The following PRUNE2 variants were observed in gnomAD, a reference collection of about 807,000 sequenced individuals.
PRUNE2 encodes the protein protein prune homolog 2.
Under a neutral mutation model 252.0 loss-of-function variants are expected in PRUNE2, and 164 were observed. That is an observed-to-expected ratio of 0.65 (90% CI 0.57 to 0.74). The LOEUF is 0.74. Ranked by LOEUF, PRUNE2 falls within the 30% of genes least tolerant of loss-of-function variation. The pLI, the probability that PRUNE2 is intolerant of heterozygous loss-of-function variation, is 0.00. For missense variants in PRUNE2, 3,495 were observed against 3,711.0 expected, an observed-to-expected ratio of 0.94 and a Z score of 1.51; for synonymous variants, 1,292 against 1,350.2, an observed-to-expected ratio of 0.96 and a Z score of 0.94.
At chr9:76,833,310 A>C (rs775182625) in intron 4 of PRUNE2, among the ~76,000 whole-genome samples, 5 of 152,222 alleles carry the variant, frequency 3.3e-5, no homozygotes, top group Non-Finnish European at 5.9e-5. Flanking sequence ...AATCAGTTAT[A>C]ATTGATCATA....
In PRUNE2 at chr9:76,705,018, T is replaced by C; in HGVS notation, c.7256A>G (p.Asp2419Gly). The C allele has an allele frequency of 6.2e-7, 1 of 1,613,832 alleles. No homozygotes were observed. Among genetic ancestry groups the C allele is most frequent in the Non-Finnish European group, 8.5e-7 (1 of 1,179,748 alleles). ...TGCTGCTCTGCATCCCAGAGATTCATCCTCTGGAGACCCAGCTTCCTCTAT... is the reference window on the plus strand; with the variant it reads ...TGCTGCTCTGCATCCCAGAGATTCACCCTCTGGAGACCCAGCTTCCTCTAT... Reference protein sequence around the residue: ...ETIEEAGSPEDESLGCRAAEI... With the variant: ...ETIEEAGSPEGESLGCRAAEI... The change falls in exon 8 of 19, where the codon GAT becomes GGT. Residue 2419 changes from aspartate (D) to glycine (G), a missense_variant. By Grantham distance (94) the Asp-to-Gly change is moderately conservative (BLOSUM62 -1). Transcript: ENST00000376718.
chr9:76,873,630 G>A (rs2061338894), intron 1 of PRUNE2, among the ~76,000 whole-genome samples: 1 of 152,148 alleles, frequency 6.6e-6, no homozygotes, highest in Non-Finnish European at 1.5e-5. Context: ...ATTGAAGGCA[G>A]CCTCACAGTG....
chr9:76,794,182 T>G (rs2055825613), intron 6 of PRUNE2, among the ~76,000 whole-genome samples: 1 of 152,192 alleles, frequency 6.6e-6, no homozygotes, highest in Admixed American at 6.5e-5. Flanking sequence ...TTTTTAAGTA[T>G]CTTTTTCACC....
intron 1 of PRUNE2, among the ~76,000 whole-genome samples, chr9:76,863,784 T>G (rs954286823): frequency 3.9e-5 from 6 of 152,212 alleles, no homozygotes; most frequent in Non-Finnish European, 7.3e-5. Flanking sequence ...CTCCTCTGCT[T>G]TGCCTCATGT....
chr9:76,805,571 T>C (rs75927667), intron 6 of PRUNE2, among the ~76,000 whole-genome samples: 19,993 of 152,070 alleles, frequency 0.13, 1,496 homozygotes, highest in African/African-American at 0.21. Flanking sequence ...CTGGAGCCTG[T>C]GTGACAGCGA....
chr9:76,658,097 G>A (rs568416733), intron 9 of PRUNE2, among the ~76,000 whole-genome samples: 4 of 152,302 alleles, frequency 2.6e-5, no homozygotes, highest in South Asian at 4.1e-4. Flanking sequence ...AGTGGCTCAC[G>A]CCTATAATCC....
intron 6 of PRUNE2, among the ~76,000 whole-genome samples, chr9:76,748,008 G>A (rs2050288506): frequency 6.6e-6 from 1 of 152,004 alleles, no homozygotes; most frequent in Admixed American, 6.6e-5. Flanking sequence ...ATCTTGGCCA[G>A]GCTGGTTTCA....
chr9:76,799,380 T>C (rs1350836241), intron 6 of PRUNE2, among the ~76,000 whole-genome samples: 1 of 151,228 alleles, frequency 6.6e-6, no homozygotes, highest in Non-Finnish European at 1.5e-5. Flanking sequence ...TTCCAATGAG[T>C]GTACCATGTG....
intron 9 of PRUNE2, among the ~76,000 whole-genome samples, chr9:76,696,976 C>T (rs3739521): frequency 0.17 from 26,068 of 152,266 alleles, 2,610 homozygotes; most frequent in East Asian, 0.48. Context: ...CACACTTTGC[C>T]TCCATCTTCG....
chr9:76,732,263 T>C (rs1049689733), intron 6 of PRUNE2, among the ~76,000 whole-genome samples: 11 of 152,230 alleles, frequency 7.2e-5, no homozygotes, highest in African/African-American at 1.9e-4. Context: ...GCCGAGATAG[T>C]GCCACTGCAC....
intron 6 of PRUNE2, among the ~76,000 whole-genome samples, chr9:76,768,282 T>G (rs1359013313): frequency 2.6e-5 from 4 of 152,116 alleles, no homozygotes; most frequent in Non-Finnish European, 4.4e-5. Context: ...AACCTCCGCC[T>G]CCTGGGTTCA....
intron 1 of PRUNE2, among the ~76,000 whole-genome samples, chr9:76,883,877 G>A (rs747237451): frequency 1.1e-4 from 17 of 152,142 alleles, no homozygotes; most frequent in Non-Finnish European, 2.1e-4. Flanking sequence ...ACTTGCTTTG[G>A]CCAATGGATG....
intron 1 of PRUNE2, among the ~76,000 whole-genome samples, chr9:76,873,764 G>C (rs550411933): frequency 6.6e-6 from 1 of 152,158 alleles, no homozygotes. Flanking sequence ...ACACAATATC[G>C]ATGGCATTTA....
chr9:76,761,983 A>G (rs185657753), intron 6 of PRUNE2, among the ~76,000 whole-genome samples: 5 of 152,362 alleles, frequency 3.3e-5, no homozygotes, highest in Non-Finnish European at 7.4e-5. Context: ...TGGGTCCGTC[A>G]TATTTAAAAG....
At chr9:76,892,877 A>G (rs556636948) in intron 1 of PRUNE2, among the ~76,000 whole-genome samples, 2 of 152,310 alleles carry the variant, frequency 1.3e-5, no homozygotes, top group South Asian at 4.1e-4. Flanking sequence ...GAAATATAAT[A>G]TGAGGAAACT....
intron 11 of PRUNE2, among the ~76,000 whole-genome samples, chr9:76,647,700 C>T (rs1214280798): frequency 6.6e-6 from 1 of 152,194 alleles, no homozygotes; most frequent in Non-Finnish European, 1.5e-5. Context: ...TGCAGTGGCT[C>T]ACGCCTGTAA....
At position 76,638,837 on chromosome 9, in the gene PRUNE2, A is replaced by C. The variant is rs1284207645; in HGVS notation, c.8729-549T>G. ...GTGACCAAATACTAGTGAGTAGACA[A>C]GTAAAACACCTTTATTTTGATTTCG... On this transcript the variant is annotated intron_variant, in intron 12 of 18. Transcript: ENST00000376718. Among the ~76,000 whole-genome samples the C allele has an allele frequency of 3.9e-5, 6 of 152,372 alleles. No homozygotes were observed. The East Asian group carries it at 9.6e-4, about 24-fold the overall frequency.
Position 76,710,415 on chromosome 9 carries a change from G to A in PRUNE2, c.1859C>T (p.Ser620Leu), listed in dbSNP as rs368137481. 1.1e-4 allele frequency: 170 copies of A among 1,613,824 alleles called. No homozygotes were observed. Among genetic ancestry groups the A allele is most frequent in the Middle Eastern group, 1.6e-4 (1 of 6,084 alleles). Reference protein sequence around the residue: ...PTPMNSLVESSPSTEEPASLY... With the variant: ...PTPMNSLVESLPSTEEPASLY... ...TGAGGCTGGTTCTTCAGTGGATGGCGAGCTTTCTACTAAACTATTCATGGG... is the reference window on the plus strand; with the variant it reads ...TGAGGCTGGTTCTTCAGTGGATGGCAAGCTTTCTACTAAACTATTCATGGG... Residue 620 changes from serine to leucine, a missense_variant, in exon 8 of 19, where the codon TCG becomes TTG. Ser to Leu is a moderately radical substitution (Grantham distance 145, BLOSUM62 -2). Coordinates refer to ENST00000376718, the MANE Select transcript of PRUNE2 (RefSeq NM_015225.3).
intron 18 of PRUNE2, among the ~76,000 whole-genome samples, chr9:76,616,707 A>G (rs756968801): frequency 6.6e-6 from 1 of 152,204 alleles, no homozygotes; most frequent in Non-Finnish European, 1.5e-5. Flanking sequence ...AAAAGTGAAC[A>G]ATTTTCTTGT....
Sources: allele counts gnomAD v4.1 joint callset (sites outside exome capture counted in the v4.1 genomes callset), GRCh38; gene constraint gnomAD v4.1.1; transcripts MANE v1.5; gene names NCBI Gene and HGNC (gene_info 2026-07-23, HGNC 2026-07-21).